The following ZFHX3 variants were observed in gnomAD, a reference collection of about 807,000 sequenced individuals.
ZFHX3 encodes zinc finger homeobox protein 3.
A neutral mutation model predicts 279.1 loss-of-function variants in ZFHX3; 42 were observed. The ratio of observed to expected loss-of-function variants is 0.15; its 90% CI spans 0.12 to 0.19. The LOEUF (loss-of-function observed/expected upper bound fraction) is 0.19. ZFHX3 is among the 10% of genes least tolerant of loss of function. The pLI is 1.00. For synonymous variants in ZFHX3, 2,293 were observed against 1,957.8 expected (o/e 1.17, Z -4.52); for missense variants, 4,981 against 4,754.0 (o/e 1.05, Z -1.40).
chr16:73,016,456 C>A (rs1388759932), intron 1 of ZFHX3, among the ~76,000 whole-genome samples: 1 of 151,938 alleles, frequency 6.6e-6, no homozygotes, highest in African/African-American at 2.4e-5. Context: ...GTGAAAGATA[C>A]GACTTTGAAT....
At position 72,787,810 on chromosome 16, in the gene ZFHX3, A is replaced by C. The variant is rs148460360; in HGVS notation, c.10466T>G (p.Phe3489Cys). 5.9e-5 allele frequency: 96 copies of C among 1,613,516 alleles called. No homozygotes were observed. Among genetic ancestry groups the C allele is most frequent in the East Asian group, 8.9e-5 (4 of 44,846 alleles). The change falls in exon 10 of 10, where the codon TTC becomes TGC. Residue 3489 changes from phenylalanine to cysteine, a missense_variant. Coordinates refer to ENST00000268489, the MANE Select transcript of ZFHX3 (RefSeq NM_006885.4). ...AARSHLKSLCFFGQSVVNLQE... is the reference protein window; with the variant it reads ...AARSHLKSLCCFGQSVVNLQE... ...CAGGTTCACCACAGACTGGCCGAAG[A>C]AGCAGAGGGACTTCAGGTGGCTCCT...
At chr16:73,591,260 G>A (rs2051992268) in intron 2 of ZFHX3, among the ~76,000 whole-genome samples, 1 of 152,042 alleles carries the variant, frequency 6.6e-6, no homozygotes, top group African/African-American at 2.4e-5. Flanking sequence ...GGCTGAGGCA[G>A]GAGAATTGCT....
intron 1 of ZFHX3, among the ~76,000 whole-genome samples, chr16:73,034,596 G>C (rs72795149): frequency 6.6e-6 from 1 of 152,284 alleles, no homozygotes; most frequent in Non-Finnish European, 1.5e-5. Flanking sequence ...AGGGTGAAAC[G>C]AGCATTTCTA....
At chr16:73,751,577 G>A (rs2053762685) in intron 1 of ZFHX3, among the ~76,000 whole-genome samples, 1 of 152,020 alleles carries the variant, frequency 6.6e-6, no homozygotes, top group African/African-American at 2.4e-5. Context: ...TTAAATGCAT[G>A]TTTCTGCATG....
At position 73,865,823 on chromosome 16, in the gene ZFHX3, CA is replaced by C. The variant is rs57165743; in HGVS notation, c.-1608+25827del. On this transcript the variant is annotated intron_variant, in intron 1 of 17. Coordinates refer to the ZFHX3 transcript ENST00000641206. ...TAAAACCCCATCCCTACTAAAAATA[CA>C]AAAAAAAAAAAATAGCCGGGTGTGG... is the stretch of plus-strand genomic sequence containing the variant. Among the ~76,000 whole-genome samples, 357 of 138,130 alleles carry C rather than the reference CA, an allele frequency of 2.6e-3. 1 individual carries two copies. The highest frequency in any genetic ancestry group is 3.9e-3 in the African/African-American group (150 of 38,354). 90.6% of individuals were successfully genotyped at this position (138,130 alleles called of 152,430 possible). A position where few individuals can be genotyped will look rare whatever the true frequency, so the allele number is the denominator to read the frequency against.
chr16:73,049,715 G>T (rs1965414523), upstream of ZFHX3, among the ~76,000 whole-genome samples: 1 of 152,158 alleles, frequency 6.6e-6, no homozygotes, highest in Non-Finnish European at 1.5e-5. Context: ...ACGGGGGCCG[G>T]GTGGGGGGAG....
At chr16:73,292,490 A>C (rs1037775418) in intron 4 of ZFHX3, among the ~76,000 whole-genome samples, 1 of 152,212 alleles carries the variant, frequency 6.6e-6, no homozygotes, top group Non-Finnish European at 1.5e-5. Flanking sequence ...TTTTAGTAGA[A>C]CACTTCTAGG....
chr16:73,571,036 A>G (rs1441134645), intron 2 of ZFHX3, among the ~76,000 whole-genome samples: 1 of 151,058 alleles, frequency 6.6e-6, no homozygotes, highest in African/African-American at 2.5e-5. Flanking sequence ...CTAGACATAT[A>G]GCTTTTCTAT....
At chr16:73,507,018 G>T (rs976653425) in intron 2 of ZFHX3, among the ~76,000 whole-genome samples, 2 of 152,146 alleles carry the variant, frequency 1.3e-5, no homozygotes, top group East Asian at 3.9e-4. Context: ...AGTGGAATGC[G>T]TCTTCCTTCG....
At chr16:73,569,901 C>T (rs79607612) in intron 2 of ZFHX3, among the ~76,000 whole-genome samples, 3,126 of 151,690 alleles carry the variant, frequency 0.021, 118 homozygotes, top group African/African-American at 0.071. Flanking sequence ...TGATCATTTA[C>T]TGTAAAGGGC....
chr16:72,975,177 C>A (rs1309084952), intron 1 of ZFHX3, among the ~76,000 whole-genome samples: 2 of 152,166 alleles, frequency 1.3e-5, no homozygotes, highest in Admixed American at 6.5e-5. Context: ...TGTGGTGGCT[C>A]ATACCTGTAA....
chr16:73,551,784 A>C (rs2143771210), intron 2 of ZFHX3, among the ~76,000 whole-genome samples: 1 of 152,364 alleles, frequency 6.6e-6, no homozygotes, highest in South Asian at 2.1e-4. Flanking sequence ...CTGAAGCTTG[A>C]AAGTAAGACT....
intron 9 of ZFHX3, chr16:72,790,147 G>A (rs2035634954): frequency 6.6e-6 from 1 of 152,412 alleles, no homozygotes; most frequent in Non-Finnish European, 1.5e-5. Context: ...ATGCAAGAGG[G>A]TGTTGCTACG....
intron 1 of ZFHX3, among the ~76,000 whole-genome samples, chr16:73,884,530 G>A (rs548369501): frequency 1.3e-5 from 2 of 152,298 alleles, no homozygotes; most frequent in South Asian, 2.1e-4. Flanking sequence ...TAATTAAATT[G>A]TTTGTTTTGG....
At chr16:73,052,135 G>A (rs1309207954), upstream of ZFHX3, among the ~76,000 whole-genome samples, 2 of 152,002 alleles carry the variant, frequency 1.3e-5, no homozygotes, top group African/African-American at 4.8e-5. Context: ...AAGCAGGTTG[G>A]AAGGAGAAGA....
intron 4 of ZFHX3, 25 bp from the exon 5 acceptor site, chr16:72,829,884 A>C (rs2037023717): frequency 6.2e-7 from 1 of 1,613,646 alleles, no homozygotes; most frequent in Non-Finnish European, 8.5e-7. Flanking sequence ...AAACATGTCA[A>C]GGGTTAAAAA....
intron 1 of ZFHX3, among the ~76,000 whole-genome samples, chr16:73,026,352 G>C (rs1263740387): frequency 6.6e-6 from 1 of 150,560 alleles, no homozygotes; most frequent in Admixed American, 6.6e-5. Context: ...CAGGCTGGGG[G>C]GCAGAGCAAG....
intron 5 of ZFHX3, among the ~76,000 whole-genome samples, chr16:73,227,195 A>C (rs1164012880): frequency 6.6e-6 from 1 of 152,230 alleles, no homozygotes; most frequent in Non-Finnish European, 1.5e-5. Context: ...GAGATAATAA[A>C]GTAAAGAGAG....
At chr16:73,710,529 T>C (rs1353331084) in intron 1 of ZFHX3, among the ~76,000 whole-genome samples, 1 of 152,190 alleles carries the variant, frequency 6.6e-6, no homozygotes, top group Non-Finnish European at 1.5e-5. Flanking sequence ...GTTGCACCGC[T>C]TGAGTTTTTA....
Sources: gnomAD v4.1 joint callset for allele counts (sites outside exome capture counted in the v4.1 genomes callset) on GRCh38, gnomAD v4.1.1 for gene constraint, MANE v1.5 for transcripts, NCBI Gene and HGNC (gene_info 2026-07-23, HGNC 2026-07-21) for gene names.